Variants in ZNF780A observed in about 807,000 individuals in gnomAD.
ZNF780A encodes zinc finger protein 780A.
A neutral mutation model predicts 56.7 loss-of-function variants in ZNF780A; 40 were observed. The ratio of observed to expected loss-of-function variants is 0.71; its 90% CI spans 0.55 to 0.92. The LOEUF (loss-of-function observed/expected upper bound fraction) is 0.92. ZNF780A is among the 40% of genes least tolerant of loss of function. The probability of loss-of-function intolerance (pLI) is 0.00; values close to 1 mark genes in which losing one functional copy is unlikely to be tolerated. For synonymous variants in ZNF780A, 231 were observed against 248.3 expected, an observed-to-expected ratio of 0.93 and a Z score of 0.66; for missense variants, 672 against 783.3, an observed-to-expected ratio of 0.86 and a Z score of 1.70.
At chr19:40,072,894 T>C, downstream of ZNF780A, 1 of 1,550,132 alleles carries the variant, frequency 6.5e-7, no homozygotes, top group Non-Finnish European at 8.7e-7. Context: ...TAAAGAGAGA[T>C]AACCAAATGC....
Position 40,075,507 on chromosome 19 carries a change from A to G in ZNF780A, c.935T>C (p.Met312Thr), listed in dbSNP as rs1352773363. Residue 312 changes from methionine to threonine, a missense_variant, in exon 6 of 6, where the codon ATG (methionine) becomes ACG (threonine). Coordinates refer to ENST00000683561, the MANE Select transcript of ZNF780A (RefSeq NM_001142578.2). ...EKPFVCKECG[M>T]AFRYHYQLIE... Reference sequence around the variant, plus strand: ...AAGTTGGTAATGATATCGAAAGGCCATCCCACATTCCTTACATACAAAGGG... The same window carrying G: ...AAGTTGGTAATGATATCGAAAGGCCGTCCCACATTCCTTACATACAAAGGG... 1.2e-6 allele frequency: 2 copies of G among 1,612,884 alleles called. No homozygotes were observed. The highest frequency in any genetic ancestry group is 1.7e-5 in the Admixed American group (1 of 59,886).
rs1387615559 is a variant in ZNF780A, at chr19:40,075,885, A to G, written c.557T>C (p.Ile186Thr). 1.2e-6 allele frequency: 2 copies of G among 1,614,010 alleles called. No homozygotes were observed. Among genetic ancestry groups the G allele is most frequent in the Admixed American group, 1.7e-5 (1 of 59,996 alleles). ...RSANLIQHQS[I>T]HTGEKPFECK... is the part of the protein sequence containing the mutation. ...TTCAAAGGGTTTCTCTCCAGTATGA[A>G]TACTCTGATGCTGAATAAGATTTGC... The change falls in exon 6 of 6, where the codon ATT (isoleucine) becomes ACT (threonine). Residue 186 changes from isoleucine to threonine, a missense_variant. Ile to Thr is a moderately conservative substitution (Grantham distance 89, BLOSUM62 -1). Transcript: ENST00000683561.
At chr19:40,084,995 C>T (rs1974706489) in intron 2 of ZNF780A, among the ~76,000 whole-genome samples, 197 bp from the exon 3 acceptor site, 1 of 152,220 alleles carries the variant, frequency 6.6e-6, no homozygotes, top group Non-Finnish European at 1.5e-5. Context: ...GGGATGAAAC[C>T]AAGCTCTCGC....
At chr19:40,079,763 T>C (rs979347045) in intron 5 of ZNF780A, among the ~76,000 whole-genome samples, 1 of 151,980 alleles carries the variant, frequency 6.6e-6, no homozygotes, top group African/African-American at 2.4e-5. Context: ...AGGAGGAAAT[T>C]AAAAAATTTC....
At chr19:40,086,658 A>G (rs1056946706) in intron 2 of ZNF780A, among the ~76,000 whole-genome samples, 1 of 152,126 alleles carries the variant, frequency 6.6e-6, no homozygotes, top group Admixed American at 6.5e-5. Context: ...GAATTCTTAT[A>G]CAAAAACCCT....
intron 3 of ZNF780A, among the ~76,000 whole-genome samples, chr19:40,084,425 T>C (rs1974665501): frequency 6.6e-6 from 1 of 152,208 alleles, no homozygotes; most frequent in South Asian, 2.1e-4. Flanking sequence ...CAATCATCTG[T>C]AACTTATCAA....
chr19:40,083,232 T>C lies in ZNF780A; in HGVS notation c.15A>G (p.Ser5=). MVHG[S]VTFRDVAIDF... is the part of the protein sequence containing the mutation. The stretch of plus-strand genomic sequence containing the variant: ...CAATGGCCACATCCCTGAATGTCAC[T>C]GATCCCTGAAACCACAAACACATGT... Residue 5 remains serine, a synonymous_variant, in exon 4 of 6, where the codon TCA becomes TCG. Coordinates refer to ENST00000683561, the MANE Select transcript of ZNF780A (RefSeq NM_001142578.2). The C allele has an allele frequency of 6.2e-7, 1 of 1,614,112 alleles. No individual in the cohort carries two copies. Among genetic ancestry groups the C allele is most frequent in the South Asian group, 1.1e-5 (1 of 91,060 alleles).
rs765436851 is a variant in ZNF780A at position 40,081,798 on chromosome 19, GC to G, written c.232+20del. 6.3e-7 allele frequency: 1 copy of G among 1,589,968 alleles called. No individual in the cohort carries two copies. The highest frequency in any genetic ancestry group is 1.1e-5 in the South Asian group (1 of 90,586). The stretch of plus-strand genomic sequence containing the variant: ...TCCAGGACAATGATGGCTTCCCCCC[GC>G]CTGCTTTACCCTCACTTACCTGGAT... On this transcript the variant is annotated intron_variant, in intron 5 of 5. Coordinates refer to ENST00000683561, the MANE Select transcript of ZNF780A (RefSeq NM_001142578.2).
intron 5 of ZNF780A, among the ~76,000 whole-genome samples, chr19:40,081,066 G>A (rs550110096): frequency 9.2e-5 from 14 of 151,998 alleles, no homozygotes; most frequent in Non-Finnish European, 1.5e-4. Flanking sequence ...AAAAGCATAG[G>A]CGGCAAAAAC....
intron 5 of ZNF780A, among the ~76,000 whole-genome samples, chr19:40,076,744 G>T (rs1375386486): frequency 6.6e-6 from 1 of 152,032 alleles, no homozygotes; most frequent in Admixed American, 6.6e-5. Flanking sequence ...AAGTCCCCAA[G>T]CACACCATCT....
intron 2 of ZNF780A, among the ~76,000 whole-genome samples, chr19:40,087,040 T>C (rs1974842950): frequency 6.6e-6 from 1 of 152,190 alleles, no homozygotes; most frequent in Admixed American, 6.5e-5. Context: ...GTTCATAGCA[T>C]GAATATTGCT....
intron 5 of ZNF780A, 56 bp from the exon 6 acceptor site, chr19:40,076,265 C>T (rs763722014): frequency 5.4e-6 from 8 of 1,478,684 alleles, no homozygotes; most frequent in Non-Finnish European, 7.2e-6. Flanking sequence ...CACATGCATA[C>T]AAAGTCCTTT....
rs1316528954 is a variant in ZNF780A, at chr19:40,089,162, AG to A, written c.-46+1003del. The stretch of plus-strand genomic sequence containing the variant: ...TTCTGTAGTCTTGAAAAATGCTAGG[AG>A]GGTGGATATTAAGTGTTCTCACCAC... On this transcript the variant is annotated intron_variant, in intron 2 of 5. Transcript: ENST00000683561. 6.1e-6 allele frequency: 7 copies of A among 1,155,272 alleles called. No individual in the cohort carries two copies. In the African/African-American group the frequency reaches 9.3e-5, roughly 15 times the overall value. The allele number at this position is 1,155,272 out of a possible 1,614,324, so 71.6% of individuals were successfully genotyped here. A position where few individuals can be genotyped will look rare whatever the true frequency, so the allele number is the denominator to read the frequency against.
At chr19:40,087,384 T>C (rs112902142) in intron 2 of ZNF780A, among the ~76,000 whole-genome samples, 7 of 152,128 alleles carry the variant, frequency 4.6e-5, no homozygotes, top group African/African-American at 1.7e-4. Context: ...CCCGACAGCA[T>C]GACAACCGAA....
At chr19:40,089,617 T>TACAC (rs5828058) in intron 2 of ZNF780A, among the ~76,000 whole-genome samples, 12,576 of 147,908 alleles carry the variant, frequency 0.085, 560 homozygotes, top group East Asian at 0.15. Context: ...CCTCTCACAG[T>TACAC]ACACACACAC....
In ZNF780A at chr19:40,074,693, T is replaced by C. The variant is rs778556555; in HGVS notation, c.1749A>G (p.Lys583=). The change falls in exon 6 of 6, where the codon AAA becomes AAG. Residue 583 remains lysine, a synonymous_variant. Coordinates refer to ENST00000683561, the MANE Select transcript of ZNF780A (RefSeq NM_001142578.2). ...IRHQKLHTGE[K]PFECKECGKA... ...TCCCACACTCCTTACATTCAAAGGG[T>C]TTCTCACCAGTATGCAATTTCTGAT... 8.7e-6 allele frequency: 14 copies of C among 1,613,372 alleles called. No homozygotes were observed. The Admixed American group carries it at 1.8e-4, about 21-fold the overall frequency.
In ZNF780A at chr19:40,075,863, A is replaced by G; in HGVS notation, c.579T>C (p.Phe193=). The G allele has an allele frequency of 2.5e-6, 4 of 1,614,062 alleles. No individual in the cohort carries two copies. In the South Asian group the frequency reaches 4.4e-5, roughly 18 times the overall value. ...HQSIHTGEKP[F]ECKECGKAFR... ...AGGCTTTCCCACACTCCTTACATTC[A>G]AAGGGTTTCTCTCCAGTATGAATAC... is the stretch of plus-strand genomic sequence containing the variant. Residue 193 remains phenylalanine (F), a synonymous_variant, in exon 6 of 6, where the codon TTT becomes TTC. Transcript: ENST00000683561.
rs1304204469 is a variant in ZNF780A, at chr19:40,075,236, T to A, written c.1206A>T (p.Ser402=). 6.2e-7 allele frequency: 1 copy of A among 1,613,528 alleles called. No homozygotes were observed. The highest frequency in any genetic ancestry group is 2.2e-5 in the East Asian group (1 of 44,786). Residue 402 remains serine, a synonymous_variant, in exon 6 of 6, where the codon TCA becomes TCT. Coordinates refer to ENST00000683561, the MANE Select transcript of ZNF780A (RefSeq NM_001142578.2). ...GAATACTCTGATGTTGAACAAGGTTTGAGCTACGATTAAAGGACTTCCCAC... is the reference window on the plus strand; with the variant it reads ...GAATACTCTGATGTTGAACAAGGTTAGAGCTACGATTAAAGGACTTCCCAC... The part of the protein sequence containing the change: ...KECGKSFNRS[S]NLVQHQSIHA...
downstream of ZNF780A, chr19:40,071,230 A>C (rs1973805621): frequency 1.3e-5 from 2 of 152,208 alleles, no homozygotes; most frequent in Admixed American, 1.3e-4. Flanking sequence ...ATAAAATCAC[A>C]AAGGATTATT....
Sources: gnomAD v4.1 joint callset for allele counts (sites outside exome capture counted in the v4.1 genomes callset) on GRCh38, gnomAD v4.1.1 for gene constraint, MANE v1.5 for transcripts, NCBI Gene and HGNC (gene_info 2026-07-23, HGNC 2026-07-21) for gene names.